Variants in ADGRF3 observed in about 807,000 individuals in gnomAD.
ADGRF3 encodes G protein-coupled receptor 113.
ADGRF3 carries 85 observed loss-of-function variants against 93.2 expected under a neutral mutation model. The ratio of observed to expected loss-of-function variants is 0.91; its 90% confidence interval spans 0.77 to 1.09. ADGRF3 has a LOEUF of 1.09. ADGRF3 is among the 50% of genes least tolerant of loss of function. The pLI, the probability that ADGRF3 is intolerant of heterozygous loss-of-function variation, is 0.00. For synonymous variants in ADGRF3, 534 were observed against 532.5 expected, an observed-to-expected ratio of 1.00 and a Z score of -0.04; for missense variants, 1,125 against 1,246.2, an observed-to-expected ratio of 0.90 and a Z score of 1.46.
intron 1 of ADGRF3, among the ~76,000 whole-genome samples, chr2:26,331,646 C>T (rs1012727381): frequency 1.5e-4 from 23 of 152,200 alleles, no homozygotes; most frequent in African/African-American, 5.5e-4. Flanking sequence ...GGGAGAGTCA[C>T]TTGAGCCCAA....
At chr2:26,334,329 A>G (rs574785307) in intron 1 of ADGRF3, among the ~76,000 whole-genome samples, 1 of 151,878 alleles carries the variant, frequency 6.6e-6, no homozygotes, top group South Asian at 2.1e-4. Context: ...ACCACCCACA[A>G]TGCTTTAATC....
intron 4 of ADGRF3, 105 bp downstream of exon 4, chr2:26,316,170 G>A: frequency 8.2e-7 from 1 of 1,216,010 alleles, no homozygotes; most frequent in Non-Finnish European, 1.1e-6. Flanking sequence ...AGGAGCAGCT[G>A]TGCTTGGACC....
At chr2:26,318,208 G>T in intron 1 of ADGRF3, 1 of 848,240 alleles carries the variant, frequency 1.2e-6, no homozygotes, top group Non-Finnish European at 1.8e-6. Flanking sequence ...GGCTCACTGT[G>T]TCACAGACCT....
intron 1 of ADGRF3, among the ~76,000 whole-genome samples, chr2:26,342,741 T>C (rs1016154608): frequency 6.6e-6 from 1 of 151,974 alleles, no homozygotes; most frequent in Non-Finnish European, 1.5e-5. Flanking sequence ...AGAGCACAGA[T>C]GGGAATAACA....
chr2:26,328,129 G>A (rs1285387535), intron 1 of ADGRF3, among the ~76,000 whole-genome samples: 2 of 152,134 alleles, frequency 1.3e-5, no homozygotes, highest in Non-Finnish European at 2.9e-5. Context: ...TATGGTCTTT[G>A]CAGTATTTAA....
rs1673791839 is a variant in ADGRF3, at chr2:26,309,046, A to G, written c.*40T>C. 6.2e-7 allele frequency: 1 copy of G among 1,613,866 alleles called. No individual in the cohort carries two copies. Among genetic ancestry groups the G allele is most frequent in the Non-Finnish European group, 8.5e-7 (1 of 1,179,888 alleles). On this transcript the variant is annotated 3_prime_UTR_variant, in exon 14 of 14. Transcript: ENST00000651242. ...GCTCATCTGGTGGGTTCAAGCACAC[A>G]GCCTCAACTCCCTTGCAGGAACATG... is the stretch of plus-strand genomic sequence containing the variant.
Position 26,321,646 on chromosome 2 carries a change from A to G in ADGRF3, c.115-4084T>C, listed in dbSNP as rs1245930211. On this transcript the variant is annotated intron_variant, in intron 1 of 13. Transcript: ENST00000651242. The stretch of plus-strand genomic sequence containing the variant: ...AGGCTGTTCATCCATCAGCATGAAC[A>G]CTGAAGGAAGAAGGAACTCCGAGGA... Among the ~76,000 whole-genome samples the G allele has an allele frequency of 3.3e-5, 5 of 152,228 alleles. No homozygotes were observed. The East Asian group carries it at 9.7e-4, about 30-fold the overall frequency.
Position 26,313,431 on chromosome 2 carries a change from C to G in ADGRF3, c.1215G>C (p.Pro405=), listed in dbSNP as rs11886746. 542,592 of 1,606,508 alleles carry G rather than the reference C, an allele frequency of 0.34. 94,198 individuals are homozygous for G. The highest frequency in any genetic ancestry group is 0.47 in the African/African-American group (35,096 of 74,738). ...TCGCATCTGTGCAGCTGCTGTGGAC[C>G]GGCCCCCAGACTCCGTCAGCCCCAC... ...RLCGADGVWG[P]VHSSCTDARL... is the part of the protein sequence containing the mutation. The change falls in exon 8 of 14, where the codon CCG becomes CCC. Residue 405 remains proline, a synonymous_variant. Transcript: ENST00000651242.
In ADGRF3 at chr2:26,311,081, G is replaced by A. The variant is rs1278073695; in HGVS notation, c.2443C>T (p.Leu815Phe). ...VFHQLAKHRV[L>F]PLMVLLGYLC... is the part of the protein sequence containing the mutation. Reference sequence around the variant, plus strand: ...TAGCCCAGGAGCACCATGAGGGGGAGAACTCGGTGCTTTGCCAGCTGGTGA... The same window carrying A: ...TAGCCCAGGAGCACCATGAGGGGGAAAACTCGGTGCTTTGCCAGCTGGTGA... Residue 815 changes from leucine (L) to phenylalanine (F), a missense_variant, in exon 10 of 14, where the codon CTC (leucine) becomes TTC (phenylalanine). Physicochemically the swap from Leu to Phe is conservative, Grantham distance 22 (BLOSUM62 0). Coordinates refer to ENST00000651242, the MANE Select transcript of ADGRF3 (RefSeq NM_001321971.2). The A allele has an allele frequency of 5.0e-6, 8 of 1,605,504 alleles. No individual in the cohort carries two copies. Among genetic ancestry groups the A allele is most frequent in the Non-Finnish European group, 6.8e-6 (8 of 1,176,274 alleles).
At chr2:26,337,271 A>G (rs1429616863) in intron 1 of ADGRF3, among the ~76,000 whole-genome samples, 1 of 152,272 alleles carries the variant, frequency 6.6e-6, no homozygotes, top group Non-Finnish European at 1.5e-5. Flanking sequence ...GCAGAAGGCA[A>G]CAGAAGCAAC....
Position 26,311,405 on chromosome 2 carries a change from G to A in ADGRF3, c.2119C>T (p.Gln707Ter). ...AGTATGGAAGCTCCCAAGCCCACTT[G>A]AGTCAGCAGCGCCAGAGCGGGTTCT... ...PEEPALALLT[Q>*]VGLGASILAL... Residue 707 changes from glutamine (Q) to a stop codon, truncating the protein, a stop_gained, in exon 10 of 14, where the codon CAA becomes TAA. Transcript: ENST00000651242. LOFTEE classifies it high-confidence loss of function. 2 of 1,614,046 alleles carry A rather than the reference G, an allele frequency of 1.2e-6. No homozygotes were observed. The highest frequency in any genetic ancestry group is 2.2e-5 in the South Asian group (2 of 91,078).
chr2:26,330,078 A>G (rs1675673702), intron 1 of ADGRF3, among the ~76,000 whole-genome samples: 1 of 152,194 alleles, frequency 6.6e-6, no homozygotes, highest in East Asian at 1.9e-4. Context: ...TTAGCAGGTA[A>G]TCTACCTGGC....
Position 26,311,616 on chromosome 2 carries a change from C to T in ADGRF3, c.1908G>A (p.Met636Ile). ...GGGAACCATCTGTGTTCCCAAAGTC[C>T]ATGATGACCTCTCCCTGGCTGAAGG... ...DRAFSQGEVI[M>I]DFGNTDGSPH... Residue 636 changes from methionine (M) to isoleucine (I), a missense_variant, in exon 10 of 14, where the codon ATG becomes ATA. Coordinates refer to ENST00000651242, the MANE Select transcript of ADGRF3 (RefSeq NM_001321971.2). 1 of 1,613,716 alleles carries T rather than the reference C, an allele frequency of 6.2e-7. No homozygotes were observed. The highest frequency in any genetic ancestry group is 1.1e-5 in the South Asian group (1 of 91,082).
In ADGRF3 at chr2:26,311,136, C is replaced by T. The variant is rs1274453710; in HGVS notation, c.2388G>A (p.Leu796=). Residue 796 remains leucine, a synonymous_variant, in exon 10 of 14, where the codon CTG becomes CTA. Coordinates refer to ENST00000651242, the MANE Select transcript of ADGRF3 (RefSeq NM_001321971.2). ...CAAAGAGCAGCTGGTGGGCCAACAC[C>T]AGGGCCTGCGCCAGCATCCAGAAAA... ...ATFFWMLAQA[L]VLAHQLLFVF... 3 of 1,595,362 alleles carry T rather than the reference C, an allele frequency of 1.9e-6. No homozygotes were observed. The highest frequency in any genetic ancestry group is 2.3e-5 in the South Asian group (2 of 88,526).
At chr2:26,314,656 C>T in intron 5 of ADGRF3, 33 bp from the exon 6 acceptor site, 1 of 1,569,656 alleles carries the variant, frequency 6.4e-7, no homozygotes, top group Middle Eastern at 1.7e-4. Context: ...CTATGTGGCT[C>T]CTCTGGGCCC....
intron 1 of ADGRF3, among the ~76,000 whole-genome samples, chr2:26,331,497 C>T (rs900097966): frequency 2.0e-5 from 3 of 152,076 alleles, no homozygotes; most frequent in African/African-American, 4.8e-5. Context: ...TGCAGTGAGC[C>T]GAGATTGCAC....
At chr2:26,326,335 C>A (rs1454830478) in intron 1 of ADGRF3, among the ~76,000 whole-genome samples, 1 of 152,092 alleles carries the variant, frequency 6.6e-6, no homozygotes, top group African/African-American at 2.4e-5. Context: ...GTTCTCTGGT[C>A]AGAAATCCCT....
chr2:26,315,907 T>G (rs112774309), intron 4 of ADGRF3, 167 bp from the exon 5 acceptor site: 32,541 of 1,040,486 alleles, frequency 0.031, 829 homozygotes, highest in African/African-American at 0.091. Flanking sequence ...ATGTGGCTGC[T>G]GCAATCCAGC....
In ADGRF3 at chr2:26,346,187, G is replaced by A. The variant is rs763633006; in HGVS notation, c.48C>T (p.Tyr16=). ...TGTGGTGCTTGTGTGTCACAGCCTT[G>A]TAGCCGGGAGTCGCTGCCGAGTGGG... ...LSAHSAATPG[Y]KAVTHKHHTG... Residue 16 remains tyrosine, a synonymous_variant, in exon 1 of 14, where the codon TAC becomes TAT. Transcript: ENST00000651242. 1 of 1,613,042 alleles carries A rather than the reference G, an allele frequency of 6.2e-7. No homozygotes were observed. The highest frequency in any genetic ancestry group is 8.5e-7 in the Non-Finnish European group (1 of 1,179,468).
Sources: gnomAD v4.1 joint callset for allele counts (sites outside exome capture counted in the v4.1 genomes callset) on GRCh38, gnomAD v4.1.1 for gene constraint, MANE v1.5 for transcripts, NCBI Gene and HGNC (gene_info 2026-07-23, HGNC 2026-07-21) for gene names.